UBR2: variants seen among roughly 807,000 people sequenced by gnomAD.
The protein encoded by UBR2 is E3 ubiquitin-protein ligase UBR2.
In UBR2, 92 loss-of-function variants were observed where a neutral mutation model predicts 247.9. The ratio of observed to expected loss-of-function variants is 0.37; its 90% CI spans 0.31 to 0.44. The LOEUF (loss-of-function observed/expected upper bound fraction) is 0.44, where lower values mean the gene tolerates loss of function less well. Ranked by LOEUF, UBR2 falls within the 20% of genes least tolerant of loss-of-function variation. The pLI is 1.00. For synonymous variants in UBR2, 672 were observed against 693.5 expected, an observed-to-expected ratio of 0.97 and a Z score of 0.49; for missense variants, 1,613 against 2,112.6, an observed-to-expected ratio of 0.76 and a Z score of 4.64.
At chr6:42,662,072 C>A in intron 30 of UBR2, 112 bp from the exon 31 acceptor site, 1 of 649,836 alleles carries the variant, frequency 1.5e-6, no homozygotes. Flanking sequence ...ACTAGCATTT[C>A]ATTTCAAATT....
At chr6:42,665,576 CAGA>C in intron 33 of UBR2, 64 bp downstream of exon 33, 3 of 1,287,486 alleles carry the variant, frequency 2.3e-6, no homozygotes, top group Middle Eastern at 1.9e-4. Flanking sequence ...AATGTATTTC[CAGA>C]AGAAGTTGTT....
chr6:42,644,231 G>T lies in UBR2; in HGVS notation c.2115G>T (p.Met705Ile), dbSNP rs1222086226. ...AAAAAAAGACAGGTGTCTCCATGAT[G>T]GATCCAAATCATTTCCTGATGATCA... Reference protein sequence around the residue: ...VVMLQTGVSMMDPNHFLMIML... With the variant: ...VVMLQTGVSMIDPNHFLMIML... Residue 705 changes from methionine (M) to isoleucine (I), a missense_variant, in exon 19 of 47, where the codon ATG becomes ATT. This residue lies in a region of UBR2 where 1,524 missense variants were observed against 1,967.3 expected (regional missense o/e 0.77). Coordinates refer to ENST00000372901, the MANE Select transcript of UBR2 (RefSeq NM_001363705.2). The T allele has an allele frequency of 6.2e-7, 1 of 1,608,250 alleles. No individual in the cohort carries two copies. Among genetic ancestry groups the T allele is most frequent in the South Asian group, 1.1e-5 (1 of 90,136 alleles).
rs140860767 is a variant in UBR2 at position 42,682,005 on chromosome 6, C to T, written c.4719-1050C>T. On this transcript the variant is annotated intron_variant, in intron 42 of 46. Coordinates refer to ENST00000372901, the MANE Select transcript of UBR2 (RefSeq NM_001363705.2). ...AGGAGAATCACTTGAACCTGGGAGG[C>T]GGAGGTTGCAGTGAGCCAAGATTAC... 2.9e-3 allele frequency among the ~76,000 whole-genome samples: 435 copies of T among 152,158 alleles called. 2 individuals are homozygous for T. Among genetic ancestry groups the T allele is most frequent in the African/African-American group, 9.8e-3 (408 of 41,502 alleles).
chr6:42,565,286 G>A (rs1790715005), intron 1 of UBR2, among the ~76,000 whole-genome samples: 1 of 152,176 alleles, frequency 6.6e-6, no homozygotes, highest in Non-Finnish European at 1.5e-5. Context: ...ATTATGAATG[G>A]ACCAAGACAG....
At position 42,659,516 on chromosome 6, in the gene UBR2, T is replaced by TAC. The variant is rs1472783090; in HGVS notation, c.3243-139_3243-138insCA. 3.5e-5 allele frequency: 18 copies of TAC among 509,946 alleles called. No individual in the cohort carries two copies. The highest frequency in any genetic ancestry group is 1.5e-4 in the Admixed American group (3 of 19,504). The allele number at this position is 509,946 out of a possible 1,614,324, so 31.6% of individuals were successfully genotyped here. A position where few individuals can be genotyped will look rare whatever the true frequency, so the allele number is the denominator to read the frequency against. ...CTCTGTCTCAAAAAATAAATAAATATATATACACACACACACACACACACA... is the reference window on the plus strand; with the variant it reads ...CTCTGTCTCAAAAAATAAATAAATATACATATACACACACACACACACACACA... On this transcript the variant is annotated intron_variant, in intron 29 of 46. Coordinates refer to ENST00000372901, the MANE Select transcript of UBR2 (RefSeq NM_001363705.2). This position sits in a 1 kb window ranked among gnomAD's most constrained non-coding sequence, Gnocchi z 4.3.
At chr6:42,573,698 G>A (rs1791311567) in intron 1 of UBR2, 36 bp from the exon 2 acceptor site, 4 of 1,465,396 alleles carry the variant, frequency 2.7e-6, no homozygotes, top group Admixed American at 2.5e-5. Flanking sequence ...GTTTGTTGGT[G>A]TTTAAAACCA....
At position 42,602,347 on chromosome 6, in the gene UBR2, C is replaced by T. The variant is rs368897970; in HGVS notation, c.532-1241C>T. 4.7e-4 allele frequency among the ~76,000 whole-genome samples: 72 copies of T among 152,096 alleles called. No homozygotes were observed. In the East Asian group the frequency reaches 0.012, roughly 25 times the overall value. On this transcript the variant is annotated intron_variant, in intron 4 of 46. Coordinates refer to ENST00000372901, the MANE Select transcript of UBR2 (RefSeq NM_001363705.2). ...CCTCCCAAGTAGCAGGGACTACAGG[C>T]GCCCTCCACCACGCCCGGCTAATTT...
chr6:42,634,229 T>C lies in UBR2; in HGVS notation c.1546-1189T>C. ...TAATACAGTGTAGACCTTTTTCCCC[T>C]GTTTAATTCTCTTTTTAGGAAACAT... is the stretch of plus-strand genomic sequence containing the variant. On this transcript the variant is annotated intron_variant, in intron 13 of 46. Transcript: ENST00000372901. 9.9e-6 allele frequency: 4 copies of C among 404,206 alleles called. 1 individual carries two copies. The highest frequency in any genetic ancestry group is 5.5e-5 in the South Asian group (3 of 54,872). 25.0% of individuals were successfully genotyped at this position (404,206 alleles called of 1,614,324 possible).
At chr6:42,640,033 T>TAA (rs1796332194) in intron 15 of UBR2, among the ~76,000 whole-genome samples, 176 bp from the exon 16 acceptor site, 4 of 152,252 alleles carry the variant, frequency 2.6e-5, no homozygotes, top group Middle Eastern at 3.4e-3. Flanking sequence ...TCTCAAAAAA[T>TAA]TAATAATAAT....
intron 2 of UBR2, among the ~76,000 whole-genome samples, chr6:42,584,893 G>A (rs1297074896): frequency 6.6e-6 from 1 of 151,952 alleles, no homozygotes; most frequent in African/African-American, 2.4e-5. Flanking sequence ...TTTTTGTTTT[G>A]TTTTTTGTTT....
intron 44 of UBR2, 54 bp downstream of exon 44, chr6:42,684,925 C>CA: frequency 6.9e-7 from 1 of 1,439,742 alleles, no homozygotes; most frequent in Non-Finnish European, 9.7e-7. Flanking sequence ...CACCTCTCTA[C>CA]AAAGAATTTG....
At chr6:42,627,190 G>A (rs576451996) in intron 11 of UBR2, among the ~76,000 whole-genome samples, 54 of 152,250 alleles carry the variant, frequency 3.5e-4, no homozygotes, top group African/African-American at 1.3e-3. Context: ...CTTGTGCTGA[G>A]TCAGTTCCTA....
intron 15 of UBR2, among the ~76,000 whole-genome samples, chr6:42,639,689 GCT>G (rs1005731533): frequency 4.6e-5 from 7 of 152,174 alleles, no homozygotes; most frequent in Admixed American, 1.3e-4. Context: ...ATCTCTCACT[GCT>G]ATACTTTAAA....
intron 26 of UBR2, among the ~76,000 whole-genome samples, chr6:42,657,728 C>A (rs1797521842): frequency 2.0e-5 from 3 of 152,204 alleles, no homozygotes; most frequent in African/African-American, 7.2e-5. Context: ...AAATCTGAGA[C>A]ACCACTTATT....
chr6:42,565,702 A>G (rs1245231096), intron 1 of UBR2, among the ~76,000 whole-genome samples: 1 of 152,038 alleles, frequency 6.6e-6, no homozygotes, highest in Non-Finnish European at 1.5e-5. Flanking sequence ...CTGGGATTAC[A>G]GGCATGCACC....
intron 7 of UBR2, among the ~76,000 whole-genome samples, 197 bp from the exon 8 acceptor site, chr6:42,611,974 G>A (rs1210836681): frequency 6.7e-6 from 1 of 149,210 alleles, no homozygotes; most frequent in African/African-American, 2.5e-5. Flanking sequence ...GTATTTTTTT[G>A]TATGAATCCT....
Position 42,637,155 on chromosome 6 carries a change from A to C in UBR2, c.1819A>C (p.Lys607Gln). The C allele has an allele frequency of 1.9e-6, 3 of 1,613,658 alleles. No homozygotes were observed. Among genetic ancestry groups the C allele is most frequent in the Non-Finnish European group, 2.5e-6 (3 of 1,179,826 alleles). Reference sequence around the variant, plus strand: ...TATCAGATACTGTGTTTCCCAAGAAAAAGTTAGCATTCACCTCCCAGTTTC... The same window carrying C: ...TATCAGATACTGTGTTTCCCAAGAACAAGTTAGCATTCACCTCCCAGTTTC... ...ETIRYCVSQE[K>Q]VSIHLPVSRL... The change falls in exon 15 of 47, where the codon AAA (lysine) becomes CAA (glutamine). Residue 607 changes from lysine (K) to glutamine (Q), a missense_variant. By Grantham distance (53) the Lys-to-Gln change is moderately conservative. Around this residue, in one of 3 missense-constraint regions of UBR2, gnomAD observed 1,524 missense variants for 1,967.3 expected, o/e 0.77. Transcript: ENST00000372901.
rs45522937 is a variant in UBR2 at position 42,670,339 on chromosome 6, A to G, written c.4030+99A>G. ...TTAAATGAAATGTTTGAAGTGGGTA[A>G]CAACGTGAAGAAATAATAAAAAGAC... On this transcript the variant is annotated intron_variant, in intron 35 of 46. Transcript: ENST00000372901. 2.4e-3 allele frequency: 3,503 copies of G among 1,429,794 alleles called. 5 individuals are homozygous for G. The highest frequency in any genetic ancestry group is 3.2e-3 in the Non-Finnish European group (3,361 of 1,047,020). 88.6% of individuals were successfully genotyped at this position (1,429,794 alleles called of 1,614,324 possible). A position where few individuals can be genotyped will look rare whatever the true frequency, so the allele number is the denominator to read the frequency against.
chr6:42,642,962 C>G (rs1429351813), intron 18 of UBR2, among the ~76,000 whole-genome samples: 1 of 152,146 alleles, frequency 6.6e-6, no homozygotes, highest in Non-Finnish European at 1.5e-5. Context: ...TTCTTTTGCT[C>G]CCTAAGTTAC....
Sources: allele counts gnomAD v4.1 joint callset (sites outside exome capture counted in the v4.1 genomes callset), GRCh38; gene constraint gnomAD v4.1.1; regional missense constraint gnomAD v4.1.1; non-coding constraint Gnocchi (gnomAD v3.1); transcripts MANE v1.5; gene names NCBI Gene and HGNC (gene_info 2026-07-23, HGNC 2026-07-21).